TSHZ2: variants seen among roughly 807,000 people sequenced by gnomAD.
TSHZ2 encodes teashirt zinc finger homeobox 2, also known as teashirt homolog 2.
Under a neutral mutation model 74.4 loss-of-function variants are expected in TSHZ2, and 21 were observed. The observed-to-expected ratio is 0.28, with a 90% CI of 0.20 to 0.41. The LOEUF (loss-of-function observed/expected upper bound fraction) is 0.41, where lower values mean the gene tolerates loss of function less well. Among genes scored for constraint, TSHZ2 ranks in the 10% least tolerant of loss-of-function variants. The pLI is 1.00. For missense variants in TSHZ2, 1,244 were observed against 1,293.5 expected, an observed-to-expected ratio of 0.96 and a Z score of 0.59; for synonymous variants, 540 against 515.3, an observed-to-expected ratio of 1.05 and a Z score of -0.65.
At chr20:53,472,217 A>C (rs908229516) in intron 2 of TSHZ2, among the ~76,000 whole-genome samples, 9 of 152,222 alleles carry the variant, frequency 5.9e-5, no homozygotes, top group Non-Finnish European at 8.8e-5. Context: ...AAGTGGACTA[A>C]AACAGCCCAC....
At chr20:53,285,144 G>A (rs886962798) in intron 2 of TSHZ2, among the ~76,000 whole-genome samples, 1 of 152,098 alleles carries the variant, frequency 6.6e-6, no homozygotes, top group African/African-American at 2.4e-5. Flanking sequence ...TAAGAACTGG[G>A]AAAATGTGCA....
intron 2 of TSHZ2, among the ~76,000 whole-genome samples, chr20:53,424,377 G>A (rs927153166): frequency 3.3e-5 from 5 of 152,168 alleles, no homozygotes; most frequent in Non-Finnish European, 5.9e-5. Context: ...TATGAAATGA[G>A]AATAACAAAA....
chr20:53,265,969 CAG>C (rs1990707809), intron 2 of TSHZ2, among the ~76,000 whole-genome samples: 1 of 152,260 alleles, frequency 6.6e-6, no homozygotes, highest in Admixed American at 6.5e-5. Context: ...GAGACTATAA[CAG>C]GGAAAAATGC....
At chr20:53,472,070 G>T (rs532843552) in intron 2 of TSHZ2, among the ~76,000 whole-genome samples, 5 of 152,246 alleles carry the variant, frequency 3.3e-5, no homozygotes, top group African/African-American at 1.2e-4. Context: ...CTCCCAAAGT[G>T]CTGGGACTAC....
At chr20:53,463,306 G>A (rs1383995012) in intron 2 of TSHZ2, among the ~76,000 whole-genome samples, 10 of 151,764 alleles carry the variant, frequency 6.6e-5, no homozygotes. Flanking sequence ...AGAATCACAT[G>A]AGCCCATGAG....
chr20:53,140,523 G>C (rs900415013), intron 1 of TSHZ2, among the ~76,000 whole-genome samples: 1 of 122,134 alleles, frequency 8.2e-6, no homozygotes, highest in Admixed American at 1.1e-4. Context: ...CTGGGTGACA[G>C]AGCAAGACTC....
chr20:53,333,764 G>A (rs373800473), intron 2 of TSHZ2, among the ~76,000 whole-genome samples: 46 of 152,280 alleles, frequency 3.0e-4, no homozygotes, highest in African/African-American at 1.0e-3. Flanking sequence ...CCTGCCAAGC[G>A]TGGTTTCAAA....
intron 1 of TSHZ2, among the ~76,000 whole-genome samples, chr20:53,205,617 T>C (rs1989149482): frequency 6.6e-6 from 1 of 152,192 alleles, no homozygotes; most frequent in Non-Finnish European, 1.5e-5. Context: ...CTACAGGTTT[T>C]TCCTAGACAT....
intron 2 of TSHZ2, among the ~76,000 whole-genome samples, chr20:53,330,813 T>C (rs968562594): frequency 6.6e-6 from 1 of 152,196 alleles, no homozygotes; most frequent in Non-Finnish European, 1.5e-5. Flanking sequence ...TGACGTTCGG[T>C]TTATTCAAAT....
intron 2 of TSHZ2, among the ~76,000 whole-genome samples, chr20:53,484,470 C>T (rs1356706052): frequency 6.6e-6 from 1 of 151,550 alleles, no homozygotes; most frequent in Non-Finnish European, 1.5e-5. Context: ...ACTACAACCT[C>T]CGCCTCCCAG....
At chr20:53,200,529 G>A (rs1384526480) in intron 1 of TSHZ2, among the ~76,000 whole-genome samples, 2 of 152,168 alleles carry the variant, frequency 1.3e-5, no homozygotes, top group Non-Finnish European at 2.9e-5. Flanking sequence ...TTCAAATTAG[G>A]AGGAGATTGG....
At chr20:53,481,884 T>G (rs1263262508) in intron 2 of TSHZ2, among the ~76,000 whole-genome samples, 1 of 151,986 alleles carries the variant, frequency 6.6e-6, no homozygotes, top group Non-Finnish European at 1.5e-5. Context: ...TGGGTGGATC[T>G]CCTGAGGTCG....
rs150553766 is a variant in TSHZ2, at chr20:53,109,270, C to A, written c.40+135937C>A. Among the ~76,000 whole-genome samples the A allele has an allele frequency of 9.9e-5, 15 of 152,204 alleles. 2 individuals carry two copies. The highest frequency in any genetic ancestry group is 3.4e-4 in the African/African-American group (14 of 41,528). On this transcript the variant is annotated intron_variant, in intron 1 of 2. Transcript: ENST00000371497. Reference sequence around the variant, plus strand: ...CTAAAGCTCTTAGAAGATTATTGGCCCACAGGAAGTGCTCATCTACTCTCA... The same window carrying A: ...CTAAAGCTCTTAGAAGATTATTGGCACACAGGAAGTGCTCATCTACTCTCA...
chr20:53,338,633 T>C (rs1277072675), intron 2 of TSHZ2, among the ~76,000 whole-genome samples: 1 of 152,192 alleles, frequency 6.6e-6, no homozygotes, highest in Non-Finnish European at 1.5e-5. Flanking sequence ...CCAGGGAAGC[T>C]GTGGAATGTC....
intron 2 of TSHZ2, among the ~76,000 whole-genome samples, chr20:53,409,941 G>A (rs1982992453): frequency 1.4e-5 from 2 of 140,728 alleles, no homozygotes; most frequent in South Asian, 4.4e-4. Context: ...CTGCCTCTTG[G>A]GTTCAAGAGA....
chr20:53,048,573 C>T (rs1984314198), intron 1 of TSHZ2, among the ~76,000 whole-genome samples: 3 of 152,302 alleles, frequency 2.0e-5, no homozygotes, highest in Middle Eastern at 6.8e-3. Flanking sequence ...CACCTACCAC[C>T]AGCTCTTTGA....
chr20:53,182,395 A>G (rs894423022), intron 1 of TSHZ2, among the ~76,000 whole-genome samples: 2 of 152,216 alleles, frequency 1.3e-5, no homozygotes, highest in Non-Finnish European at 2.9e-5. Context: ...TTTAACAAAT[A>G]TGGGCAAAGT....
chr20:53,223,028 G>A (rs1989600559), intron 1 of TSHZ2, among the ~76,000 whole-genome samples: 1 of 152,108 alleles, frequency 6.6e-6, no homozygotes, highest in African/African-American at 2.4e-5. Context: ...ATTCGAACAA[G>A]CCACCTTTTA....
At chr20:53,426,499 T>C (rs1983661245) in intron 2 of TSHZ2, among the ~76,000 whole-genome samples, 1 of 152,210 alleles carries the variant, frequency 6.6e-6, no homozygotes, top group Admixed American at 6.5e-5. Context: ...TTCAGATTTT[T>C]GACTACTTAT....
Sources: allele counts gnomAD v4.1 joint callset (sites outside exome capture counted in the v4.1 genomes callset), GRCh38; gene constraint gnomAD v4.1.1; transcripts MANE v1.5; gene names NCBI Gene and HGNC (gene_info 2026-07-23, HGNC 2026-07-21).